The following SHPRH variants were observed in gnomAD, a reference collection of about 807,000 sequenced individuals.
SHPRH encodes E3 ubiquitin-protein ligase SHPRH.
SHPRH carries 106 observed loss-of-function variants against 202.5 expected under a neutral mutation model. The observed-to-expected ratio is 0.52, with a 90% confidence interval of 0.45 to 0.62. SHPRH has a LOEUF of 0.62. SHPRH is among the 20% of genes least tolerant of loss of function. The pLI is 0.00. For synonymous variants in SHPRH, 729 were observed against 686.0 expected (o/e 1.06, Z -0.98); for missense variants, 1,710 against 2,020.0 (o/e 0.85, Z 2.94).
chr6:145,935,574 A>C lies in SHPRH; in HGVS notation c.2570-133T>G, dbSNP rs1222060089. 4.8e-6 allele frequency: 4 copies of C among 838,512 alleles called. No individual in the cohort carries two copies. The Admixed American group carries it at 1.2e-4, about 24-fold the overall frequency. 51.9% of individuals were successfully genotyped at this position (838,512 alleles called of 1,614,324 possible). A position where few individuals can be genotyped will look rare whatever the true frequency, so the allele number is the denominator to read the frequency against. ...AAAATACAGGCTGTATAGGCTCTTA[A>C]ATCTGAAATTCAATTCCAATTCCAT... On this transcript the variant is annotated intron_variant, in intron 11 of 29. Transcript: ENST00000275233.
In SHPRH at chr6:145,885,916, C is replaced by T. The variant is rs1219649930; in HGVS notation, c.*775G>A. The T allele has an allele frequency of 4.0e-5, 6 of 151,100 alleles. No homozygotes were observed. Among genetic ancestry groups the T allele is most frequent in the Admixed American group, 4.0e-4 (6 of 15,130 alleles). The allele number at this position is 151,100 out of a possible 1,614,324, so 9.4% of individuals were successfully genotyped here. A position where few individuals can be genotyped will look rare whatever the true frequency, so the allele number is the denominator to read the frequency against. On this transcript the variant is annotated 3_prime_UTR_variant, in exon 30 of 30. Transcript: ENST00000275233. ...AAAATCATAAAAACTGCAATATTTACAGATACATCAATCTTACAACATATA... is the reference window on the plus strand; with the variant it reads ...AAAATCATAAAAACTGCAATATTTATAGATACATCAATCTTACAACATATA...
chr6:145,927,382 GATT>G (rs1784976870), intron 14 of SHPRH, 105 bp from the exon 15 acceptor site: 6 of 1,036,472 alleles, frequency 5.8e-6, no homozygotes, highest in South Asian at 3.3e-5. Context: ...AAAATGTAAT[GATT>G]ATAACTTTTT....
chr6:145,866,573 A>G lies in SHPRH; in HGVS notation c.222-2082T>C, dbSNP rs117678270. 4.2e-3 allele frequency among the ~76,000 whole-genome samples: 636 copies of G among 152,304 alleles called. 18 individuals carry two copies. The East Asian group carries it at 0.072, about 17-fold the overall frequency. The stretch of plus-strand genomic sequence containing the variant: ...GGACGTGGTTTTATCATTATCAGAC[A>G]TTATTAGCAGCATGAGTGGCAGCAA... On this transcript the variant is annotated intron_variant, in intron 2 of 2. Coordinates refer to the SHPRH transcript ENST00000417762.
At chr6:145,920,818 G>A (rs1259838798) in intron 21 of SHPRH, among the ~76,000 whole-genome samples, 1 of 152,090 alleles carries the variant, frequency 6.6e-6, no homozygotes, top group East Asian at 1.9e-4. Flanking sequence ...GGTAGCTGAT[G>A]CTTGCTTGTT....
chr6:145,923,270 A>T (rs1562324929), intron 18 of SHPRH, among the ~76,000 whole-genome samples: 1 of 150,338 alleles, frequency 6.7e-6, no homozygotes, highest in Non-Finnish European at 1.5e-5. Flanking sequence ...TCCTTGGTTG[A>T]ATATATATAT....
At chr6:145,862,831 C>T (rs547658248), downstream of SHPRH, 3 of 152,282 alleles carry the variant, frequency 2.0e-5, no homozygotes, top group East Asian at 5.8e-4. Flanking sequence ...AAATCAAATT[C>T]TCATAAGTGT....
At chr6:145,928,069 A>G (rs949241943) in intron 14 of SHPRH, among the ~76,000 whole-genome samples, 5 of 152,008 alleles carry the variant, frequency 3.3e-5, no homozygotes, top group Admixed American at 6.6e-5. Context: ...ATTTCGTGAC[A>G]TGTGAAAATT....
chr6:145,960,030 T>TA (rs1788927842), intron 1 of SHPRH, among the ~76,000 whole-genome samples: 1 of 152,250 alleles, frequency 6.6e-6, no homozygotes, highest in African/African-American at 2.4e-5. Context: ...ACATGCTGTG[T>TA]AACACACTAC....
At chr6:145,918,261 T>C in intron 22 of SHPRH, 29 bp from the exon 23 acceptor site, 1 of 1,391,234 alleles carries the variant, frequency 7.2e-7, no homozygotes, top group Non-Finnish European at 9.6e-7. Context: ...AAAACTTCTT[T>C]ATTCTTTCAG....
At chr6:145,884,378 T>C (rs555479709), downstream of SHPRH, 126 of 152,322 alleles carry the variant, frequency 8.3e-4, no homozygotes, top group Non-Finnish European at 1.5e-3. Context: ...TTACATTGTA[T>C]GTATCTTTTT....
Position 145,934,786 on chromosome 6 carries a change from C to A in SHPRH, c.2990+121G>T, listed in dbSNP as rs1468680923. 1.3e-5 allele frequency: 12 copies of A among 902,686 alleles called. No individual in the cohort carries two copies. The East Asian group carries it at 3.0e-4, about 23-fold the overall frequency. The allele number at this position is 902,686 out of a possible 1,614,324, so 55.9% of individuals were successfully genotyped here. Reference sequence around the variant, plus strand: ...AAATGAGCTTCCATACCAAAGAAAACCCTCTACACCATTAAAGATAACTGA... The same window carrying A: ...AAATGAGCTTCCATACCAAAGAAAAACCTCTACACCATTAAAGATAACTGA... On this transcript the variant is annotated intron_variant, in intron 13 of 29. Transcript: ENST00000275233.
chr6:145,905,103 C>G (rs892237352), intron 25 of SHPRH: 1 of 152,144 alleles, frequency 6.6e-6, no homozygotes, highest in African/African-American at 2.4e-5. Context: ...AAACCTGACA[C>G]AGCAGTTCTT....
In SHPRH at chr6:145,941,137, T is replaced by C. The variant is rs549169601; in HGVS notation, c.2491-336A>G. Among the ~76,000 whole-genome samples the C allele has an allele frequency of 2.6e-5, 4 of 152,286 alleles. No homozygotes were observed. The East Asian group carries it at 5.8e-4, about 22-fold the overall frequency. On this transcript the variant is annotated intron_variant, in intron 10 of 29. Transcript: ENST00000275233. ...TATACTAACAGACATGATTCATACATTCAGTTCAGGTTACAGACTGGCCAA... is the reference window on the plus strand; with the variant it reads ...TATACTAACAGACATGATTCATACACTCAGTTCAGGTTACAGACTGGCCAA...
In SHPRH at chr6:145,943,595, C is replaced by T. The variant is rs750369986; in HGVS notation, c.1786G>A (p.Asp596Asn). 3.7e-6 allele frequency: 6 copies of T among 1,613,662 alleles called. No individual in the cohort carries two copies. The highest frequency in any genetic ancestry group is 2.2e-5 in the East Asian group (1 of 44,860). The change falls in exon 9 of 30, where the codon GAT becomes AAT. Residue 596 changes from aspartate (D) to asparagine (N), a missense_variant. Asp to Asn is a conservative substitution (Grantham distance 23, BLOSUM62 1). Around this residue, in one of 8 missense-constraint regions of SHPRH, gnomAD observed 348 missense variants for 356.9 expected, o/e 0.97. Coordinates refer to ENST00000275233, the MANE Select transcript of SHPRH (RefSeq NM_001042683.3). ...KGKSQPFINP[D>N]SQGHCPATSD... ...GTAGCTGGACAGTGACCTTGTGAAT[C>T]GGGATTGATAAATGGTTGACTTTTT...
intron 13 of SHPRH, 49 bp from the exon 14 acceptor site, chr6:145,933,227 T>G (rs1486854132): frequency 6.2e-7 from 1 of 1,612,408 alleles, no homozygotes; most frequent in African/African-American, 1.3e-5. Flanking sequence ...ATCCCAAGTG[T>G]GACTTCAGTG....
chr6:145,963,323 T>C (rs1249475255), intron 1 of SHPRH, among the ~76,000 whole-genome samples: 1 of 152,200 alleles, frequency 6.6e-6, no homozygotes, highest in African/African-American at 2.4e-5. Context: ...GTAATAACTT[T>C]ATCTTATTTT....
At position 145,933,195 on chromosome 6, in the gene SHPRH, A is replaced by C. The variant is rs375884117; in HGVS notation, c.2991-17T>G. The C allele has an allele frequency of 3.1e-6, 5 of 1,613,512 alleles. No homozygotes were observed. The highest frequency in any genetic ancestry group is 4.2e-6 in the Non-Finnish European group (5 of 1,179,810). The stretch of plus-strand genomic sequence containing the variant: ...GTCATGGTGCTAAAAGAAAAGGTAG[A>C]CTGTTCAAAACTAGAAAGAAAATCC... On this transcript the variant is annotated splice_polypyrimidine_tract_variant and intron_variant, in intron 13 of 29. Coordinates refer to ENST00000275233, the MANE Select transcript of SHPRH (RefSeq NM_001042683.3).
At chr6:145,910,738 A>C (rs1006871977) in intron 24 of SHPRH, 102 bp from the exon 25 acceptor site, 1 of 1,151,112 alleles carries the variant, frequency 8.7e-7, no homozygotes, top group Non-Finnish European at 1.2e-6. Context: ...AAGATTTCAT[A>C]ACATTAATAT....
chr6:145,904,734 T>C (rs1782799794), intron 25 of SHPRH: 1 of 152,070 alleles, frequency 6.6e-6, no homozygotes. Context: ...GGTACAATAG[T>C]CTTATGTTTA....
Sources: allele counts gnomAD v4.1 joint callset (sites outside exome capture counted in the v4.1 genomes callset), GRCh38; gene constraint gnomAD v4.1.1; regional missense constraint gnomAD v4.1.1; transcripts MANE v1.5; gene names NCBI Gene and HGNC (gene_info 2026-07-23, HGNC 2026-07-21).